Variants in FHIP1A observed in about 807,000 individuals in gnomAD.
FHIP1A encodes the protein FHF complex subunit HOOK-interacting protein 1A.
Under a neutral mutation model 88.6 loss-of-function variants are expected in FHIP1A, and 61 were observed. That is an observed-to-expected ratio of 0.69 (90% confidence interval 0.56 to 0.85). The LOEUF (loss-of-function observed/expected upper bound fraction) is 0.85. Ranked by LOEUF, FHIP1A falls within the 40% of genes least tolerant of loss-of-function variation. The pLI, the probability that FHIP1A is intolerant of heterozygous loss-of-function variation, is 0.00. For missense variants in FHIP1A, 1,154 were observed against 1,273.5 expected, an observed-to-expected ratio of 0.91 and a Z score of 1.43; for synonymous variants, 478 against 496.0, an observed-to-expected ratio of 0.96 and a Z score of 0.48.
At chr4:151,536,881 T>C (rs2126720888) in intron 3 of FHIP1A, among the ~76,000 whole-genome samples, 1 of 152,242 alleles carries the variant, frequency 6.6e-6, no homozygotes, top group Admixed American at 6.5e-5. Flanking sequence ...TATTCTTTAT[T>C]TTTTTGTTTT....
intron 3 of FHIP1A, among the ~76,000 whole-genome samples, chr4:151,557,328 C>G (rs1732988419): frequency 6.6e-6 from 1 of 152,180 alleles, no homozygotes; most frequent in Admixed American, 6.5e-5. Context: ...ACCTGAAGCA[C>G]CAACTCTAGG....
At chr4:151,540,532 G>T (rs1732245024) in intron 3 of FHIP1A, among the ~76,000 whole-genome samples, 1 of 152,052 alleles carries the variant, frequency 6.6e-6, no homozygotes, top group Non-Finnish European at 1.5e-5. Flanking sequence ...TTCTCATTAA[G>T]TGGTGCTTAT....
chr4:151,448,305 T>TATA (rs1385721324), intron 1 of FHIP1A, among the ~76,000 whole-genome samples: 1 of 152,178 alleles, frequency 6.6e-6, no homozygotes, highest in Admixed American at 6.6e-5. Flanking sequence ...GGGAAACTAA[T>TATA]ATAATACATA....
At chr4:151,484,739 A>T (rs1344061630) in intron 3 of FHIP1A, among the ~76,000 whole-genome samples, 1 of 152,248 alleles carries the variant, frequency 6.6e-6, no homozygotes, top group Non-Finnish European at 1.5e-5. Context: ...GAACAGTGAG[A>T]CAAATAGCAG....
chr4:151,639,508 T>C (rs543497574), intron 9 of FHIP1A, among the ~76,000 whole-genome samples: 1 of 152,230 alleles, frequency 6.6e-6, no homozygotes, highest in African/African-American at 2.4e-5. Context: ...TGATGCTTCC[T>C]TATTAGCTCA....
At chr4:151,592,955 G>A (rs980505660) in intron 7 of FHIP1A, among the ~76,000 whole-genome samples, 5 of 152,112 alleles carry the variant, frequency 3.3e-5, no homozygotes, top group African/African-American at 1.2e-4. Context: ...TGTAAGGAAG[G>A]GGTCCAGTTT....
At chr4:151,555,260 T>G (rs924451127) in intron 3 of FHIP1A, among the ~76,000 whole-genome samples, 3 of 152,200 alleles carry the variant, frequency 2.0e-5, no homozygotes, top group African/African-American at 7.2e-5. Context: ...CCTTTAAATG[T>G]ATTGCTTTCC....
intron 8 of FHIP1A, among the ~76,000 whole-genome samples, chr4:151,634,619 T>C (rs924031232): frequency 6.6e-6 from 1 of 151,816 alleles, no homozygotes; most frequent in African/African-American, 2.4e-5. Flanking sequence ...GGTCAAATGA[T>C]CTTTGACAAG....
chr4:151,513,414 C>G (rs1055672611), intron 3 of FHIP1A, among the ~76,000 whole-genome samples: 1 of 152,176 alleles, frequency 6.6e-6, no homozygotes, highest in Admixed American at 6.5e-5. Context: ...AAATAACCAA[C>G]TAACATCATA....
chr4:151,468,791 C>G lies in FHIP1A; in HGVS notation c.-247-13733C>G, dbSNP rs1024671026. ...CTAAGGTAACTTGGGAATTATAGACCTTTCAGCCGCCTGTCTACTGTGAAG... is the reference window on the plus strand; with the variant it reads ...CTAAGGTAACTTGGGAATTATAGACGTTTCAGCCGCCTGTCTACTGTGAAG... On this transcript the variant is annotated intron_variant, in intron 2 of 13. Coordinates refer to ENST00000435205, the MANE Select transcript of FHIP1A (RefSeq NM_001109977.3). 3.3e-5 allele frequency among the ~76,000 whole-genome samples: 5 copies of G among 151,478 alleles called. No individual in the cohort carries two copies. The East Asian group carries it at 9.7e-4, about 29-fold the overall frequency.
chr4:151,540,814 T>G (rs1663855091), intron 3 of FHIP1A, among the ~76,000 whole-genome samples: 1 of 152,218 alleles, frequency 6.6e-6, no homozygotes, highest in African/African-American at 2.4e-5. Context: ...ATTCCCAGAC[T>G]TCTCAGGGCT....
chr4:151,601,248 A>G (rs1419746647), intron 7 of FHIP1A, among the ~76,000 whole-genome samples: 1 of 152,066 alleles, frequency 6.6e-6, no homozygotes, highest in Non-Finnish European at 1.5e-5. Flanking sequence ...AGTGGAAAGC[A>G]TATGGAAGGG....
intron 1 of FHIP1A, among the ~76,000 whole-genome samples, chr4:151,417,998 G>A (rs1732959504): frequency 6.6e-6 from 1 of 151,544 alleles, no homozygotes; most frequent in South Asian, 2.1e-4. Context: ...AGTGAGACCC[G>A]TCTTAACAGC....
At chr4:151,573,049 T>C (rs1285727518) in intron 4 of FHIP1A, among the ~76,000 whole-genome samples, 3 of 152,232 alleles carry the variant, frequency 2.0e-5, no homozygotes, top group African/African-American at 7.2e-5. Flanking sequence ...TATCTGATAC[T>C]ACTTAGTGAA....
intron 7 of FHIP1A, among the ~76,000 whole-genome samples, chr4:151,598,250 G>A (rs1179454263): frequency 2.6e-5 from 4 of 152,082 alleles, no homozygotes; most frequent in Non-Finnish European, 4.4e-5. Context: ...TGTTCCTCAC[G>A]GCACAGTCCC....
At position 151,584,722 on chromosome 4, in the gene FHIP1A, C is replaced by G. The variant is rs1251412647; in HGVS notation, c.733-1919C>G. Among the ~76,000 whole-genome samples the G allele has an allele frequency of 2.6e-5, 4 of 152,154 alleles. No individual in the cohort carries two copies. In the East Asian group the frequency reaches 7.7e-4, roughly 29 times the overall value. ...CCTGCAGGATCTGATTCCCGTTTAC[C>G]TTGCCAGCCTCTTTCTACCTGTAAT... is the stretch of plus-strand genomic sequence containing the variant. On this transcript the variant is annotated intron_variant, in intron 5 of 13. Coordinates refer to ENST00000435205, the MANE Select transcript of FHIP1A (RefSeq NM_001109977.3).
Position 151,624,383 on chromosome 4 carries a change from C to T in FHIP1A, c.979-5319C>T, listed in dbSNP as rs758729423. Among the ~76,000 whole-genome samples, 4 of 152,246 alleles carry T rather than the reference C, an allele frequency of 2.6e-5. 1 individual carries two copies. The highest frequency in any genetic ancestry group is 4.1e-4 in the South Asian group (2 of 4,820). On this transcript the variant is annotated intron_variant, in intron 7 of 13. Transcript: ENST00000435205. ...GTGGTGTGAGTGGCACTGCCTCCCA[C>T]GTGTGCCTCTTGTACCTGGTTTTTC...
At chr4:151,598,078 T>TA (rs1367188458) in intron 7 of FHIP1A, among the ~76,000 whole-genome samples, 75 of 148,262 alleles carry the variant, frequency 5.1e-4, no homozygotes, top group African/African-American at 1.3e-3. Flanking sequence ...ACTGGGGTAT[T>TA]AAAAAAAAAA....
intron 2 of FHIP1A, 95 bp downstream of exon 2, chr4:151,454,903 A>G (rs1728916458): frequency 6.6e-6 from 1 of 152,002 alleles, no homozygotes; most frequent in Non-Finnish European, 1.5e-5. Flanking sequence ...TTGGCCCCTT[A>G]TGTGGATTTC....
Sources: gnomAD v4.1 joint callset for allele counts (sites outside exome capture counted in the v4.1 genomes callset) on GRCh38, gnomAD v4.1.1 for gene constraint, MANE v1.5 for transcripts, NCBI Gene and HGNC (gene_info 2026-07-23, HGNC 2026-07-21) for gene names.